Variants in APOBEC1 observed in about 807,000 individuals in gnomAD.
APOBEC1 encodes the protein apolipoprotein B mRNA editing enzyme catalytic subunit 1, also known as C->U-editing enzyme APOBEC-1.
In APOBEC1, 22 loss-of-function variants were observed where a neutral mutation model predicts 26.3. The observed-to-expected ratio is 0.84, with a 90% CI of 0.60 to 1.19. The LOEUF is 1.19. APOBEC1 is among the 50% of genes most tolerant of loss of function. The probability of loss-of-function intolerance (pLI) is 0.00; values close to 1 mark genes in which losing one functional copy is unlikely to be tolerated. For missense variants in APOBEC1, 253 were observed against 289.0 expected (o/e 0.88, Z 0.90); for synonymous variants, 77 against 95.3 (o/e 0.81, Z 1.12).
intron 1 of APOBEC1, among the ~76,000 whole-genome samples, chr12:7,655,470 A>C (rs986066289): frequency 1.3e-5 from 2 of 151,960 alleles, no homozygotes; most frequent in Non-Finnish European, 1.5e-5. Context: ...AGCCGAGATC[A>C]CGCCACTGCA....
chr12:7,654,640 C>G lies in APOBEC1; in HGVS notation c.17-8G>C, dbSNP rs368970083. On this transcript the variant is annotated splice_polypyrimidine_tract_variant and splice_region_variant and intron_variant, in intron 1 of 4. Transcript: ENST00000229304. The stretch of plus-strand genomic sequence containing the variant: ...GGTCACCGGTTGAAGGACCTGTTGA[C>G]CAAGATATGATTATGTCAAACAACA... The G allele has an allele frequency of 8.7e-6, 14 of 1,613,614 alleles. No individual in the cohort carries two copies. The African/African-American group carries it at 1.5e-4, about 17-fold the overall frequency.
intron 1 of APOBEC1, among the ~76,000 whole-genome samples, chr12:7,657,056 G>A (rs1304172335): frequency 2.1e-5 from 1 of 46,604 alleles, no homozygotes; most frequent in Non-Finnish European, 9.2e-5. Flanking sequence ...GTGTGTGTGT[G>A]TGTGTGTGTG....
chr12:7,653,970 T>C (rs10772596), intron 2 of APOBEC1, among the ~76,000 whole-genome samples: 82,960 of 152,016 alleles, frequency 0.55, 23,625 homozygotes, highest in Middle Eastern at 0.65. Flanking sequence ...TACATCCTAA[T>C]AGTTCCCACT....
chr12:7,666,968 A>T (rs185726521), upstream of APOBEC1, among the ~76,000 whole-genome samples: 2 of 150,780 alleles, frequency 1.3e-5, no homozygotes, highest in Non-Finnish European at 2.9e-5. Context: ...CTGAAGTGCA[A>T]TGGCGCGATC....
At chr12:7,655,291 A>G (rs1388752952) in intron 1 of APOBEC1, among the ~76,000 whole-genome samples, 1 of 152,050 alleles carries the variant, frequency 6.6e-6, no homozygotes, top group African/African-American at 2.4e-5. Context: ...CGGGCAGATC[A>G]TCTGAGGTCG....
At chr12:7,657,112 CTAA>C (rs1471606388) in intron 1 of APOBEC1, among the ~76,000 whole-genome samples, 2 of 150,922 alleles carry the variant, frequency 1.3e-5, no homozygotes, top group Non-Finnish European at 2.9e-5. Flanking sequence ...AAAAAGGGAA[CTAA>C]TAATACTGGT....
chr12:7,660,368 G>GA (rs60757881), intron 1 of APOBEC1, among the ~76,000 whole-genome samples: 43 of 97,228 alleles, frequency 4.4e-4, no homozygotes, highest in African/African-American at 1.4e-3. Flanking sequence ...AGGAAGGAAG[G>GA]AAGGAAGGAA....
At position 7,651,106 on chromosome 12, in the gene APOBEC1, G is replaced by A; in HGVS notation, c.478C>T (p.Pro160Ser). 1.9e-6 allele frequency: 3 copies of A among 1,614,026 alleles called. No homozygotes were observed. The highest frequency in any genetic ancestry group is 1.7e-5 in the Admixed American group (1 of 59,998). The change falls in exon 4 of 5, where the codon CCA becomes TCA. Residue 160 changes from proline (P) to serine (S), a missense_variant. Pro to Ser is a moderately conservative substitution (Grantham distance 74). Transcript: ENST00000229304. ...YHCWRNFVNY[P>S]PGDEAHWPQY... The stretch of plus-strand genomic sequence containing the variant: ...GGCCAGTGAGCTTCATCCCCAGGTG[G>A]GTAGTTGACAAAATTCCTCCAGCAG...
intron 2 of APOBEC1, 105 bp from the exon 3 acceptor site, chr12:7,652,940 A>AT: frequency 6.6e-6 from 6 of 908,734 alleles, no homozygotes; most frequent in African/African-American, 4.0e-5. Context: ...ATTTTATTTT[A>AT]TTTTTTTAAG....
chr12:7,660,546 A>T (rs1404378809), intron 1 of APOBEC1, among the ~76,000 whole-genome samples: 1 of 150,804 alleles, frequency 6.6e-6, no homozygotes, highest in Non-Finnish European at 1.5e-5. Flanking sequence ...TCTAATAAAT[A>T]CAAAAAATTA....
At chr12:7,666,885 T>G (rs61937016), upstream of APOBEC1, among the ~76,000 whole-genome samples, 1,627 of 151,074 alleles carry the variant, frequency 0.011, 13 homozygotes, top group South Asian at 0.022. Context: ...AATCTAAGAT[T>G]AAGTGTGTGG....
At chr12:7,665,807 C>CACACACACACACA in intron 1 of APOBEC1, 50 bp downstream of exon 1, 1 of 1,097,516 alleles carries the variant, frequency 9.1e-7, no homozygotes, top group African/African-American at 1.9e-5. Flanking sequence ...ACACACACAC[C>CACACACACACACA]ATTCTTGCAT....
At chr12:7,654,548 A>T (rs1863687787) in intron 2 of APOBEC1, 57 bp downstream of exon 2, 1 of 1,564,202 alleles carries the variant, frequency 6.4e-7, no homozygotes, top group South Asian at 1.1e-5. Flanking sequence ...CACAGCTCTT[A>T]AATACCCATT....
intron 1 of APOBEC1, among the ~76,000 whole-genome samples, chr12:7,661,902 A>G (rs1863825120): frequency 6.6e-6 from 1 of 152,194 alleles, no homozygotes; most frequent in Admixed American, 6.5e-5. Context: ...TAAATTCCCA[A>G]TGCACAGGGC....
intron 4 of APOBEC1, among the ~76,000 whole-genome samples, chr12:7,650,035 T>A (rs770548291): frequency 2.1e-4 from 32 of 152,230 alleles, no homozygotes; most frequent in African/African-American, 7.2e-4. Flanking sequence ...CAGGCTGGTC[T>A]CCAACTTCTG....
At chr12:7,659,964 G>A (rs1005454430) in intron 1 of APOBEC1, among the ~76,000 whole-genome samples, 6 of 151,830 alleles carry the variant, frequency 4.0e-5, no homozygotes, top group Non-Finnish European at 8.8e-5. Flanking sequence ...GCGAGACTAC[G>A]TCTCAAAAAA....
intron 2 of APOBEC1, 106 bp from the exon 3 acceptor site, chr12:7,652,941 T>C: frequency 6.0e-6 from 6 of 1,005,040 alleles, no homozygotes; most frequent in Non-Finnish European, 7.7e-6. Flanking sequence ...TTTTATTTTA[T>C]TTTTTTAAGA....
intron 1 of APOBEC1, among the ~76,000 whole-genome samples, chr12:7,659,229 G>T (rs773651574): frequency 7.3e-6 from 1 of 136,408 alleles, no homozygotes; most frequent in Non-Finnish European, 1.5e-5. Flanking sequence ...AGGAGGTGGA[G>T]GTTGTAGTGA....
intron 1 of APOBEC1, among the ~76,000 whole-genome samples, chr12:7,659,104 G>A (rs1863758852): frequency 6.7e-6 from 1 of 149,784 alleles, no homozygotes; most frequent in Admixed American, 6.7e-5. Flanking sequence ...AGACCAGCCT[G>A]ACCAACATGG....
Sources: gnomAD v4.1 joint callset for allele counts (sites outside exome capture counted in the v4.1 genomes callset) on GRCh38, gnomAD v4.1.1 for gene constraint, MANE v1.5 for transcripts, NCBI Gene and HGNC (gene_info 2026-07-23, HGNC 2026-07-21) for gene names.